Variants in NCOA6 observed in about 807,000 individuals in gnomAD.
The protein encoded by NCOA6 is NRC RAP250.
Under a neutral mutation model 171.4 loss-of-function variants are expected in NCOA6, and 49 were observed. That is an observed-to-expected ratio of 0.29 (90% CI 0.23 to 0.36). NCOA6 has a LOEUF of 0.36. Ranked by LOEUF, NCOA6 falls within the 10% of genes least tolerant of loss-of-function variation. The pLI is 1.00. For synonymous variants in NCOA6, 910 were observed against 927.5 expected, an observed-to-expected ratio of 0.98 and a Z score of 0.34; for missense variants, 2,248 against 2,554.5, an observed-to-expected ratio of 0.88 and a Z score of 2.59.
intron 1 of NCOA6, among the ~76,000 whole-genome samples, chr20:34,822,538 G>A (rs1389158809): frequency 6.6e-6 from 1 of 152,130 alleles, no homozygotes; most frequent in African/African-American, 2.4e-5. Context: ...TGTCCTTATA[G>A]CGTTTAATAA....
At chr20:34,814,626 T>C (rs1411921346) in intron 1 of NCOA6, among the ~76,000 whole-genome samples, 1 of 152,170 alleles carries the variant, frequency 6.6e-6, no homozygotes, top group Non-Finnish European at 1.5e-5. Flanking sequence ...AGTCTCACTC[T>C]TGTCACCCAG....
At chr20:34,735,419 GTGGAT>G (rs1395858503) in intron 12 of NCOA6, among the ~76,000 whole-genome samples, 1 of 152,180 alleles carries the variant, frequency 6.6e-6, no homozygotes, top group African/African-American at 2.4e-5. Context: ...GACGAGGCAG[GTGGAT>G]CATGAGGTCA....
chr20:34,763,432 TTA>T (rs1181806332), intron 5 of NCOA6, among the ~76,000 whole-genome samples: 1 of 152,216 alleles, frequency 6.6e-6, no homozygotes, highest in Non-Finnish European at 1.5e-5. Flanking sequence ...CCATCTCTCC[TTA>T]TGTTTGATAG....
At chr20:34,777,210 A>C (rs2077355693) in intron 3 of NCOA6, among the ~76,000 whole-genome samples, 1 of 152,148 alleles carries the variant, frequency 6.6e-6, no homozygotes, top group Non-Finnish European at 1.5e-5. Context: ...TGACATAACT[A>C]ATCATTAGAG....
chr20:34,746,686 A>G (rs1246851575), intron 10 of NCOA6, 121 bp downstream of exon 10: 1 of 1,176,974 alleles, frequency 8.5e-7, no homozygotes, highest in Non-Finnish European at 1.1e-6. Flanking sequence ...GACACATTAA[A>G]TCACTGAAGT....
chr20:34,811,336 T>C (rs535998042), intron 1 of NCOA6, among the ~76,000 whole-genome samples: 2 of 151,246 alleles, frequency 1.3e-5, no homozygotes, highest in African/African-American at 4.8e-5. Context: ...ACCTGCTTCA[T>C]AAATACAAGC....
chr20:34,773,118 C>T (rs915910370), intron 4 of NCOA6, among the ~76,000 whole-genome samples: 2 of 152,138 alleles, frequency 1.3e-5, no homozygotes, highest in Non-Finnish European at 2.9e-5. Flanking sequence ...TGAAATCCTG[C>T]CATGTTTACT....
At chr20:34,753,195 G>A (rs1468365249) in intron 8 of NCOA6, among the ~76,000 whole-genome samples, 5 of 150,776 alleles carry the variant, frequency 3.3e-5, no homozygotes, top group African/African-American at 1.2e-4. Context: ...ACAAGCGTCC[G>A]CCACCACACC....
At chr20:34,721,253 A>T (rs1270736463) in intron 14 of NCOA6, among the ~76,000 whole-genome samples, 64 of 150,224 alleles carry the variant, frequency 4.3e-4, no homozygotes, top group African/African-American at 1.6e-3. Flanking sequence ...AAAAAAAAAA[A>T]AAAAAAAAAA....
At chr20:34,734,325 A>G (rs1206919993) in intron 12 of NCOA6, among the ~76,000 whole-genome samples, 1 of 151,038 alleles carries the variant, frequency 6.6e-6, no homozygotes, top group Non-Finnish European at 1.5e-5. Context: ...TGGCCTCCCA[A>G]AGTCCTGAGA....
At chr20:34,772,196 C>T (rs982200300) in intron 4 of NCOA6, among the ~76,000 whole-genome samples, 38 of 152,008 alleles carry the variant, frequency 2.5e-4, no homozygotes, top group African/African-American at 9.2e-4. Flanking sequence ...CACCTGTGGT[C>T]CTAGCTACTC....
At chr20:34,728,732 G>C (rs1191060475) in intron 13 of NCOA6, among the ~76,000 whole-genome samples, 1 of 152,166 alleles carries the variant, frequency 6.6e-6, no homozygotes, top group Non-Finnish European at 1.5e-5. Context: ...AATACCTAAC[G>C]ATAGTAGATT....
At chr20:34,734,112 C>T (rs1475630106) in intron 12 of NCOA6, among the ~76,000 whole-genome samples, 1 of 152,110 alleles carries the variant, frequency 6.6e-6, no homozygotes, top group Non-Finnish European at 1.5e-5. Context: ...CTCACTCTGT[C>T]CCCCAGGCTG....
intron 1 of NCOA6, among the ~76,000 whole-genome samples, chr20:34,795,357 G>A (rs543538952): frequency 2.0e-5 from 3 of 152,298 alleles, no homozygotes; most frequent in Admixed American, 1.3e-4. Flanking sequence ...CAATCAGAGT[G>A]AGACTCTTCA....
At chr20:34,768,704 C>T (rs958253640) in intron 4 of NCOA6, 118 bp from the exon 5 acceptor site, 22 of 1,225,766 alleles carry the variant, frequency 1.8e-5, no homozygotes, top group Non-Finnish European at 2.4e-5. Flanking sequence ...GGTTAGTTTA[C>T]CACCAGAAAA....
rs563969610 is a variant in NCOA6 at position 34,750,310 on chromosome 20, C to T, written c.1885G>A (p.Val629Met). 9.9e-6 allele frequency: 16 copies of T among 1,613,096 alleles called. No homozygotes were observed. The highest frequency in any genetic ancestry group is 1.6e-4 in the Middle Eastern group (1 of 6,076). The change falls in exon 9 of 15, where the codon GTG becomes ATG. Residue 629 changes from valine to methionine, a missense_variant. Coordinates refer to ENST00000359003, the MANE Select transcript of NCOA6 (RefSeq NM_014071.5). ...TGGACCATCTGGCCCTGGGAGGGCA[C>T]GATTTGCTGGTGCATGCCCATCAGC... ...SQLMGMHQQI[V>M]PSQGQMVQQQ...
intron 2 of NCOA6, among the ~76,000 whole-genome samples, chr20:34,789,413 A>G (rs2077793096): frequency 1.3e-5 from 2 of 152,236 alleles, no homozygotes; most frequent in Non-Finnish European, 1.5e-5. Context: ...TTGTATTTAC[A>G]GGTATCTTGA....
intron 2 of NCOA6, among the ~76,000 whole-genome samples, chr20:34,785,983 C>T (rs1030455406): frequency 6.6e-6 from 1 of 151,592 alleles, no homozygotes; most frequent in African/African-American, 2.4e-5. Context: ...GGTTGGTAGG[C>T]TATTTATTAC....
At chr20:34,763,773 G>C (rs1426240780) in intron 5 of NCOA6, among the ~76,000 whole-genome samples, 1 of 152,154 alleles carries the variant, frequency 6.6e-6, no homozygotes, top group Non-Finnish European at 1.5e-5. Context: ...CTAACGTCTA[G>C]AGCCCCAGCG....
Sources: allele counts gnomAD v4.1 joint callset (sites outside exome capture counted in the v4.1 genomes callset), GRCh38; gene constraint gnomAD v4.1.1; transcripts MANE v1.5; gene names NCBI Gene and HGNC (gene_info 2026-07-23, HGNC 2026-07-21).